The following COL25A1 variants were observed in gnomAD, a reference collection of about 807,000 sequenced individuals.
COL25A1 encodes collagen alpha-1(XXV) chain.
COL25A1 carries 103 observed loss-of-function variants against 128.4 expected under a neutral mutation model. That is an observed-to-expected ratio of 0.80 (90% CI 0.68 to 0.94). The LOEUF (loss-of-function observed/expected upper bound fraction) is 0.94, where lower values mean the gene tolerates loss of function less well. COL25A1 is among the 40% of genes least tolerant of loss of function. COL25A1 has a pLI of 0.00. For synonymous variants in COL25A1, 279 were observed against 277.2 expected, an observed-to-expected ratio of 1.01 and a Z score of -0.06; for missense variants, 745 against 840.0, an observed-to-expected ratio of 0.89 and a Z score of 1.40.
At chr4:109,083,457 T>C (rs1263165073) in intron 3 of COL25A1, among the ~76,000 whole-genome samples, 1 of 119,358 alleles carries the variant, frequency 8.4e-6, no homozygotes, top group Non-Finnish European at 1.7e-5. Flanking sequence ...AATTTTTTTT[T>C]TTTTTTTTTT....
chr4:108,984,392 A>G (rs1356293466), intron 6 of COL25A1, among the ~76,000 whole-genome samples: 1 of 151,746 alleles, frequency 6.6e-6, no homozygotes. Flanking sequence ...GTGCGCCTGC[A>G]CTCCTCAGCC....
chr4:109,272,857 C>T (rs1367345234), intron 3 of COL25A1, among the ~76,000 whole-genome samples: 2 of 152,020 alleles, frequency 1.3e-5, no homozygotes, highest in African/African-American at 2.4e-5. Context: ...GACAAAGTCA[C>T]ACAACAGGAA....
At chr4:109,065,559 T>C (rs1431116095) in intron 3 of COL25A1, among the ~76,000 whole-genome samples, 6 of 151,440 alleles carry the variant, frequency 4.0e-5, no homozygotes, top group South Asian at 4.2e-4. Context: ...TGTGTGTGTG[T>C]GTGTGTGTGT....
At position 108,823,884 on chromosome 4, in the gene COL25A1, T is replaced by C. The variant is rs934953734; in HGVS notation, c.1845+290A>G. On this transcript the variant is annotated intron_variant, in intron 35 of 37. Transcript: ENST00000399132. Reference sequence around the variant, plus strand: ...TTTACTTTTTAAAATGATTTTTTTTTCAAAAATCCTTTATTTTTCCATAAA... The same window carrying C: ...TTTACTTTTTAAAATGATTTTTTTTCCAAAAATCCTTTATTTTTCCATAAA... 1.5e-5 allele frequency: 21 copies of C among 1,374,034 alleles called. No individual in the cohort carries two copies. In the African/African-American group the frequency reaches 2.2e-4, roughly 15 times the overall value. The allele number at this position is 1,374,034 out of a possible 1,614,324, so 85.1% of individuals were successfully genotyped here.
At chr4:108,873,522 CTAGTAGTAGTAGTAGTAG>C (rs58240378) in intron 19 of COL25A1, among the ~76,000 whole-genome samples, 30 of 147,210 alleles carry the variant, frequency 2.0e-4, no homozygotes, top group Non-Finnish European at 4.5e-5. Context: ...TGTTAGCTGT[CTAGTAGTAGTAGTAGTAG>C]TAGTAGTAGT....
At chr4:108,958,405 A>G (rs1249690294) in intron 8 of COL25A1, among the ~76,000 whole-genome samples, 1 of 152,102 alleles carries the variant, frequency 6.6e-6, no homozygotes, top group Non-Finnish European at 1.5e-5. Context: ...AAATGAAATT[A>G]TTTGGGTCCA....
chr4:108,891,524 A>T (rs1425109932), intron 16 of COL25A1, among the ~76,000 whole-genome samples: 1 of 152,184 alleles, frequency 6.6e-6, no homozygotes, highest in African/African-American at 2.4e-5. Context: ...TTATACAATA[A>T]TATCTTTGAA....
chr4:109,154,761 A>G (rs1214364981), intron 3 of COL25A1, among the ~76,000 whole-genome samples: 1 of 152,208 alleles, frequency 6.6e-6, no homozygotes, highest in African/African-American at 2.4e-5. Context: ...TTAAAATCCC[A>G]TGCATGTCAG....
chr4:108,894,937 C>A (rs954337859), intron 16 of COL25A1, among the ~76,000 whole-genome samples: 4 of 152,116 alleles, frequency 2.6e-5, no homozygotes, highest in African/African-American at 4.8e-5. Context: ...TTTGACAATA[C>A]CTGGAGACAT....
At chr4:109,274,524 T>G (rs1347077343) in intron 3 of COL25A1, among the ~76,000 whole-genome samples, 1 of 152,136 alleles carries the variant, frequency 6.6e-6, no homozygotes, top group Non-Finnish European at 1.5e-5. Flanking sequence ...TATATTAACA[T>G]TGTTGAATAT....
chr4:109,030,222 A>C (rs1055475632), intron 5 of COL25A1, among the ~76,000 whole-genome samples: 5 of 152,188 alleles, frequency 3.3e-5, no homozygotes, highest in Non-Finnish European at 7.3e-5. Flanking sequence ...CTATGAAAGA[A>C]ATAGCAACAG....
At chr4:109,113,738 C>T (rs547555020) in intron 3 of COL25A1, among the ~76,000 whole-genome samples, 2 of 152,102 alleles carry the variant, frequency 1.3e-5, no homozygotes, top group Admixed American at 6.6e-5. Flanking sequence ...ATTTCATGAG[C>T]ACTACATATT....
At chr4:108,842,561 G>T (rs139427384) in intron 30 of COL25A1, among the ~76,000 whole-genome samples, 4 of 152,224 alleles carry the variant, frequency 2.6e-5, no homozygotes, top group African/African-American at 9.6e-5. Context: ...GCAGGAAAAA[G>T]TTTTTATTAA....
At chr4:109,061,770 C>T (rs905273194) in intron 3 of COL25A1, among the ~76,000 whole-genome samples, 1 of 152,178 alleles carries the variant, frequency 6.6e-6, no homozygotes, top group Non-Finnish European at 1.5e-5. Context: ...AGTTAAATCT[C>T]AGATTCATAC....
In COL25A1 at chr4:109,300,670, T is replaced by C; in HGVS notation, c.298-18A>G. The C allele has an allele frequency of 6.4e-7, 1 of 1,564,454 alleles. No homozygotes were observed. Among genetic ancestry groups the C allele is most frequent in the Middle Eastern group, 1.7e-4 (1 of 5,956 alleles). On this transcript the variant is annotated intron_variant, in intron 2 of 37. Transcript: ENST00000399132. Reference sequence around the variant, plus strand: ...TAGGATTTCTGTAGGAAAAGAAGAGTTATTAATAATCATCAGTAGCACTGT... The same window carrying C: ...TAGGATTTCTGTAGGAAAAGAAGAGCTATTAATAATCATCAGTAGCACTGT...
At chr4:108,872,689 T>TAC (rs141600363) in intron 19 of COL25A1, among the ~76,000 whole-genome samples, 69,968 of 110,390 alleles carry the variant, frequency 0.63, 18,194 homozygotes, top group East Asian at 0.91. Context: ...TTGATATATA[T>TAC]ATACACACAC....
At chr4:109,143,452 G>A (rs1309244716) in intron 3 of COL25A1, among the ~76,000 whole-genome samples, 1 of 152,160 alleles carries the variant, frequency 6.6e-6, no homozygotes, top group East Asian at 1.9e-4. Context: ...ATGTTGGCAT[G>A]TCTTGCTAGG....
chr4:109,180,292 C>T (rs912282191), intron 3 of COL25A1, among the ~76,000 whole-genome samples: 1 of 152,156 alleles, frequency 6.6e-6, no homozygotes, highest in African/African-American at 2.4e-5. Context: ...ATAATTTTGA[C>T]TCTGAAGTGC....
rs540824650 is a variant in COL25A1 at position 109,106,483 on chromosome 4, A to G, written c.368-56304T>C. Among the ~76,000 whole-genome samples the G allele has an allele frequency of 1.8e-4, 28 of 152,268 alleles. No individual in the cohort carries two copies. The South Asian group carries it at 5.6e-3, about 31-fold the overall frequency. On this transcript the variant is annotated intron_variant, in intron 3 of 37. Coordinates refer to ENST00000399132, the MANE Select transcript of COL25A1 (RefSeq NM_198721.4). ...CACTTTACAAGACAGATTTGTGATTAAGACTGTTATGCTCATCCACAGCTA... is the reference window on the plus strand; with the variant it reads ...CACTTTACAAGACAGATTTGTGATTGAGACTGTTATGCTCATCCACAGCTA...
Sources: gnomAD v4.1 joint callset for allele counts (sites outside exome capture counted in the v4.1 genomes callset) on GRCh38, gnomAD v4.1.1 for gene constraint, MANE v1.5 for transcripts, NCBI Gene and HGNC (gene_info 2026-07-23, HGNC 2026-07-21) for gene names.